The following NKAIN2 variants were observed in gnomAD, a reference collection of about 807,000 sequenced individuals.
NKAIN2 encodes the protein sodium/potassium transporting ATPase interacting 2.
In NKAIN2, 14 loss-of-function variants were observed where a neutral mutation model predicts 32.6. The observed-to-expected ratio is 0.43, with a 90% CI of 0.28 to 0.67. The LOEUF is 0.67. Ranked by LOEUF, NKAIN2 falls within the 30% of genes least tolerant of loss-of-function variation. NKAIN2 has a pLI of 0.17. For missense variants in NKAIN2, 198 were observed against 258.3 expected (o/e 0.77, Z 1.60); for synonymous variants, 80 against 87.2 (o/e 0.92, Z 0.46).
chr6:124,196,688 T>G (rs1476778280), intron 1 of NKAIN2, among the ~76,000 whole-genome samples: 1 of 152,072 alleles, frequency 6.6e-6, no homozygotes, highest in Non-Finnish European at 1.5e-5. Flanking sequence ...CACAATGCAT[T>G]CAGTGTTACA....
At chr6:123,914,285 CAGAGAGAG>C (rs1249601851) in intron 1 of NKAIN2, among the ~76,000 whole-genome samples, 1 of 149,964 alleles carries the variant, frequency 6.7e-6, no homozygotes, top group Non-Finnish European at 1.5e-5. Context: ...CAGAGACAGT[CAGAGAGAG>C]GGAGAGAGGG....
At chr6:124,083,825 C>A (rs1426799221) in intron 1 of NKAIN2, among the ~76,000 whole-genome samples, 1 of 151,920 alleles carries the variant, frequency 6.6e-6, no homozygotes, top group African/African-American at 2.4e-5. Flanking sequence ...TGTGTACTGG[C>A]CTTTTTTAAA....
intron 1 of NKAIN2, among the ~76,000 whole-genome samples, chr6:124,002,557 A>G (rs988668420): frequency 6.6e-6 from 1 of 152,060 alleles, no homozygotes; most frequent in African/African-American, 2.4e-5. Context: ...TATTATCACC[A>G]AATGAGTCAT....
At chr6:124,613,200 G>A (rs897005272) in intron 3 of NKAIN2, among the ~76,000 whole-genome samples, 1 of 152,088 alleles carries the variant, frequency 6.6e-6, no homozygotes, top group Admixed American at 6.5e-5. Flanking sequence ...AGTGATTTAG[G>A]TATTTCCATA....
chr6:124,445,388 C>T (rs1775846998), intron 3 of NKAIN2, among the ~76,000 whole-genome samples: 1 of 152,002 alleles, frequency 6.6e-6, no homozygotes, highest in Non-Finnish European at 1.5e-5. Flanking sequence ...AAACTTTAAA[C>T]ATCCCTGTAT....
chr6:124,327,541 T>G (rs933943645), intron 2 of NKAIN2, among the ~76,000 whole-genome samples: 5 of 152,164 alleles, frequency 3.3e-5, no homozygotes, highest in Admixed American at 2.6e-4. Flanking sequence ...GAAGAGGTGA[T>G]AGCAAACATT....
chr6:124,297,615 A>G (rs1583009928), intron 2 of NKAIN2, among the ~76,000 whole-genome samples: 1 of 151,948 alleles, frequency 6.6e-6, no homozygotes, highest in Non-Finnish European at 1.5e-5. Flanking sequence ...CTGATGGAGA[A>G]CCTGGTTACC....
At chr6:124,194,514 C>A (rs1413679049) in intron 1 of NKAIN2, among the ~76,000 whole-genome samples, 2 of 151,948 alleles carry the variant, frequency 1.3e-5, no homozygotes, top group Admixed American at 1.3e-4. Flanking sequence ...TTTAAATCTA[C>A]CATCTTATTA....
At chr6:124,124,108 A>G (rs964643040) in intron 1 of NKAIN2, among the ~76,000 whole-genome samples, 1 of 152,168 alleles carries the variant, frequency 6.6e-6, no homozygotes, top group Non-Finnish European at 1.5e-5. Context: ...TTGATTTTCT[A>G]CAAAATAATG....
intron 1 of NKAIN2, among the ~76,000 whole-genome samples, chr6:124,122,382 A>G (rs1045615205): frequency 6.6e-6 from 1 of 152,246 alleles, no homozygotes; most frequent in Admixed American, 6.5e-5. Context: ...ATTCAGTGAA[A>G]TAATTGCTGC....
intron 1 of NKAIN2, among the ~76,000 whole-genome samples, chr6:123,986,704 T>C (rs1278580768): frequency 6.6e-6 from 1 of 152,170 alleles, no homozygotes; most frequent in Non-Finnish European, 1.5e-5. Context: ...TAATTCCCAT[T>C]CACATCTAAG....
At chr6:124,358,345 C>G (rs374676558) in intron 3 of NKAIN2, among the ~76,000 whole-genome samples, 100 of 152,178 alleles carry the variant, frequency 6.6e-4, no homozygotes, top group African/African-American at 1.8e-3. Flanking sequence ...CCTGAGGAAT[C>G]GCCACACTGA....
At chr6:124,515,615 C>T (rs1778878380) in intron 3 of NKAIN2, among the ~76,000 whole-genome samples, 1 of 152,070 alleles carries the variant, frequency 6.6e-6, no homozygotes. Flanking sequence ...CCCCATTAGG[C>T]TCCACCTACA....
At chr6:124,287,970 TCTTC>T (rs1292873674) in intron 2 of NKAIN2, among the ~76,000 whole-genome samples, 2 of 152,012 alleles carry the variant, frequency 1.3e-5, no homozygotes, top group East Asian at 3.9e-4. Context: ...CCTCTCCCTT[TCTTC>T]CTTCCTTCTT....
intron 2 of NKAIN2, among the ~76,000 whole-genome samples, chr6:124,300,704 G>A (rs1416949333): frequency 1.3e-5 from 2 of 152,290 alleles, no homozygotes; most frequent in East Asian, 3.9e-4. Context: ...ATGGAGAGGA[G>A]GAGCTTGTTG....
At chr6:124,360,240 G>T (rs897513810) in intron 3 of NKAIN2, among the ~76,000 whole-genome samples, 2 of 150,284 alleles carry the variant, frequency 1.3e-5, no homozygotes, top group Non-Finnish European at 3.0e-5. Context: ...TCTCTTTTTT[G>T]GTTGTGTCTC....
At chr6:124,173,469 C>G (rs2208782) in intron 1 of NKAIN2, among the ~76,000 whole-genome samples, 9 of 152,010 alleles carry the variant, frequency 5.9e-5, no homozygotes, top group South Asian at 2.1e-4. Context: ...ACTAAATTTC[C>G]TCAAAGATTG....
intron 1 of NKAIN2, among the ~76,000 whole-genome samples, chr6:124,250,051 A>G (rs999596226): frequency 6.6e-6 from 1 of 152,102 alleles, no homozygotes; most frequent in Non-Finnish European, 1.5e-5. Flanking sequence ...GAAGGTGATT[A>G]GGTCATGAGG....
rs1428398084 is a variant in NKAIN2, at chr6:124,711,381, G to A, written c.474+52995G>A. On this transcript the variant is annotated intron_variant, in intron 4 of 6. Transcript: ENST00000368417. ...ACGTTGGCCTGCCTTGCTAGATTGG[G>A]GAAGTTCTCCTGGATAATATCCTGC... 9.8e-5 allele frequency among the ~76,000 whole-genome samples: 12 copies of A among 122,572 alleles called. 1 individual carries two copies. Among genetic ancestry groups the A allele is most frequent in the African/African-American group, 3.5e-4 (11 of 31,000 alleles). The allele number at this position is 122,572 out of a possible 152,430, so 80.4% of individuals were successfully genotyped here. A position where few individuals can be genotyped will look rare whatever the true frequency, so the allele number is the denominator to read the frequency against.
Sources: gnomAD v4.1 joint callset for allele counts (sites outside exome capture counted in the v4.1 genomes callset) on GRCh38, gnomAD v4.1.1 for gene constraint, MANE v1.5 for transcripts, NCBI Gene and HGNC (gene_info 2026-07-23, HGNC 2026-07-21) for gene names.